The following MYBL2 variants were observed in gnomAD, a reference collection of about 807,000 sequenced individuals.
The protein encoded by MYBL2 is myb-related protein B.
MYBL2 carries 28 observed loss-of-function variants against 79.9 expected under a neutral mutation model. That is an observed-to-expected ratio of 0.35 (90% confidence interval 0.26 to 0.48). MYBL2 has a LOEUF of 0.48. Ranked by LOEUF, MYBL2 falls within the 20% of genes least tolerant of loss-of-function variation. The pLI is 0.99. For missense variants in MYBL2, 735 were observed against 893.9 expected (o/e 0.82, Z 2.27); for synonymous variants, 378 against 361.2 (o/e 1.05, Z -0.53).
At chr20:43,692,794 A>G (rs1987444215) in intron 6 of MYBL2, among the ~76,000 whole-genome samples, 1 of 152,158 alleles carries the variant, frequency 6.6e-6, no homozygotes, top group Non-Finnish European at 1.5e-5. Flanking sequence ...AAAAATTAAA[A>G]AATGTATTGA....
At chr20:43,709,849 G>C in intron 9 of MYBL2, 114 bp from the exon 10 acceptor site, 1 of 836,450 alleles carries the variant, frequency 1.2e-6, no homozygotes, top group South Asian at 1.9e-5. Context: ...GGGATGGGAC[G>C]AGAACCTGTG....
chr20:43,698,204 A>G (rs188105710), intron 6 of MYBL2, among the ~76,000 whole-genome samples: 2 of 151,540 alleles, frequency 1.3e-5, no homozygotes, highest in South Asian at 2.1e-4. Context: ...TAATTTACAT[A>G]CAATAAAATT....
At chr20:43,688,596 C>T (rs1987334058) in intron 5 of MYBL2, among the ~76,000 whole-genome samples, 1 of 152,068 alleles carries the variant, frequency 6.6e-6, no homozygotes. Context: ...AATCCTTCTG[C>T]CTCAGCCTTC....
rs577478294 is a variant in MYBL2 at position 43,673,498 on chromosome 20, G to A, written c.21-308G>A. ...CAAAAAATACAAAAGTTAGCCGGGC[G>A]TGGTGGCATACCCCTGTAGTCACAG... On this transcript the variant is annotated intron_variant, in intron 1 of 13. Coordinates refer to ENST00000217026, the MANE Select transcript of MYBL2 (RefSeq NM_002466.4). 1.5e-4 allele frequency among the ~76,000 whole-genome samples: 23 copies of A among 151,948 alleles called. No homozygotes were observed. In the South Asian group the frequency reaches 3.5e-3, roughly 23 times the overall value.
intron 5 of MYBL2, among the ~76,000 whole-genome samples, chr20:43,689,341 C>T (rs1987352786): frequency 2.0e-5 from 3 of 152,276 alleles, no homozygotes; most frequent in Admixed American, 2.0e-4. Context: ...TCTGGGGCTT[C>T]CCCTGACACT....
chr20:43,691,821 G>T (rs796967645), intron 5 of MYBL2, among the ~76,000 whole-genome samples: 2 of 151,792 alleles, frequency 1.3e-5, no homozygotes, highest in African/African-American at 4.8e-5. Flanking sequence ...TCACAGGTGT[G>T]GTGAGCCACC....
In MYBL2 at chr20:43,702,921, T is replaced by A. The variant is rs368274526; in HGVS notation, c.1365+18T>A. The A allele has an allele frequency of 1.9e-6, 3 of 1,570,966 alleles. No homozygotes were observed. The highest frequency in any genetic ancestry group is 1.7e-6 in the Non-Finnish European group (2 of 1,151,808). ...CCTCCCAGGTGCGTGGACCCCACTC[T>A]GGCTGCTTATTGGGTCGGTACAGAC... On this transcript the variant is annotated intron_variant, in intron 8 of 13. Transcript: ENST00000217026.
intron 5 of MYBL2, among the ~76,000 whole-genome samples, chr20:43,690,202 T>G (rs200468475): frequency 0.088 from 13,366 of 151,808 alleles, 644 homozygotes; most frequent in Admixed American, 0.14. Flanking sequence ...GTTTTTTTTT[T>G]TTTGTTTGTT....
intron 4 of MYBL2, among the ~76,000 whole-genome samples, chr20:43,683,198 G>GT (rs1161705205): frequency 6.6e-6 from 1 of 152,196 alleles, no homozygotes; most frequent in Non-Finnish European, 1.5e-5. Context: ...GGTGATGCTT[G>GT]TAGGGGGCTT....
At chr20:43,673,359 G>A (rs945562094) in intron 1 of MYBL2, among the ~76,000 whole-genome samples, 2 of 151,942 alleles carry the variant, frequency 1.3e-5, no homozygotes, top group African/African-American at 2.4e-5. Flanking sequence ...AGGTGAGGTC[G>A]GGTGTGGTGG....
intron 7 of MYBL2, among the ~76,000 whole-genome samples, chr20:43,700,974 C>T (rs1242882504): frequency 6.6e-6 from 1 of 152,172 alleles, no homozygotes; most frequent in African/African-American, 2.4e-5. Context: ...CATTGGAGTG[C>T]TTGCCGCGTG....
intron 11 of MYBL2, 40 bp downstream of exon 11, chr20:43,711,641 T>C (rs752932871): frequency 3.2e-6 from 5 of 1,563,664 alleles, no homozygotes; most frequent in Non-Finnish European, 4.4e-6. Flanking sequence ...GCAGGGGGAA[T>C]TGGAGCCGTG....
At chr20:43,679,258 T>C (rs1319677670) in intron 2 of MYBL2, among the ~76,000 whole-genome samples, 1 of 152,192 alleles carries the variant, frequency 6.6e-6, no homozygotes, top group East Asian at 1.9e-4. Context: ...TTGATACCTG[T>C]CGTGGGCCAC....
intron 7 of MYBL2, among the ~76,000 whole-genome samples, chr20:43,701,960 G>A (rs1185737876): frequency 6.6e-6 from 1 of 152,178 alleles, no homozygotes; most frequent in Non-Finnish European, 1.5e-5. Context: ...GAGGTCAGGA[G>A]TTCGAGACCA....
At position 43,686,708 on chromosome 20, in the gene MYBL2, C is replaced by T. The variant is rs948295234; in HGVS notation, c.280-144C>T. 8.0e-6 allele frequency: 6 copies of T among 753,138 alleles called. No homozygotes were observed. The African/African-American group carries it at 1.0e-4, about 13-fold the overall frequency. The allele number at this position is 753,138 out of a possible 1,614,324, so 46.7% of individuals were successfully genotyped here. On this transcript the variant is annotated intron_variant, in intron 4 of 13. Transcript: ENST00000217026. ...CACAAAGTCATCCTGGGTGGCATCCCCTGCAGCTCGCTCAGTGTTGCCTGA... is the reference window on the plus strand; with the variant it reads ...CACAAAGTCATCCTGGGTGGCATCCTCTGCAGCTCGCTCAGTGTTGCCTGA...
intron 9 of MYBL2, among the ~76,000 whole-genome samples, chr20:43,705,757 A>G (rs1364416106): frequency 6.6e-6 from 1 of 150,994 alleles, no homozygotes; most frequent in African/African-American, 2.4e-5. Context: ...CTGGAGTGCA[A>G]TGGCGCGATC....
chr20:43,694,399 A>G (rs943551615), intron 6 of MYBL2, among the ~76,000 whole-genome samples: 6 of 152,158 alleles, frequency 3.9e-5, no homozygotes, highest in Non-Finnish European at 5.9e-5. Context: ...CAAAAAATAG[A>G]TTTGATGATG....
rs1238285164 is a variant in MYBL2 at position 43,705,269 on chromosome 20, G to T, written c.1416G>T (p.Ser472=). 16 of 1,613,936 alleles carry T rather than the reference G, an allele frequency of 9.9e-6. No individual in the cohort carries two copies. The highest frequency in any genetic ancestry group is 1.4e-5 in the Non-Finnish European group (16 of 1,180,016). ...ACACATTGGAGCTGGAGAGCCCCTC[G>T]CTGACATCCACCCCAGTGTGCAGCC... ...KQDTLELESP[S]LTSTPVCSQK... The change falls in exon 9 of 14, where the codon TCG becomes TCT. Residue 472 remains serine, a synonymous_variant. Coordinates refer to ENST00000217026, the MANE Select transcript of MYBL2 (RefSeq NM_002466.4).
chr20:43,683,369 GAGAGAGCA>G (rs1987187113), intron 4 of MYBL2, among the ~76,000 whole-genome samples: 2 of 152,086 alleles, frequency 1.3e-5, no homozygotes, highest in Non-Finnish European at 2.9e-5. Context: ...TTTATAGATG[GAGAGAGCA>G]AGGCTCAGAG....
Sources: allele counts gnomAD v4.1 joint callset (sites outside exome capture counted in the v4.1 genomes callset), GRCh38; gene constraint gnomAD v4.1.1; transcripts MANE v1.5; gene names NCBI Gene and HGNC (gene_info 2026-07-23, HGNC 2026-07-21).